The following ARPP21 variants were observed in gnomAD, a reference collection of about 807,000 sequenced individuals.
The protein encoded by ARPP21 is cAMP-regulated phosphoprotein 21.
In ARPP21, 69 loss-of-function variants were observed where a neutral mutation model predicts 113.2. The observed-to-expected ratio is 0.61, with a 90% confidence interval of 0.50 to 0.74. ARPP21 has a LOEUF of 0.74. Among genes scored for constraint, ARPP21 ranks in the 30% least tolerant of loss-of-function variants. The pLI, the probability that ARPP21 is intolerant of heterozygous loss-of-function variation, is 0.00. For missense variants in ARPP21, 1,070 were observed against 1,037.4 expected, an observed-to-expected ratio of 1.03 and a Z score of -0.43; for synonymous variants, 368 against 375.5, an observed-to-expected ratio of 0.98 and a Z score of 0.23.
intron 9 of ARPP21, among the ~76,000 whole-genome samples, chr3:35,697,639 A>G (rs764264271): frequency 1.6e-4 from 24 of 151,656 alleles, no homozygotes; most frequent in Non-Finnish European, 3.0e-4. Context: ...CCACTTTCTC[A>G]GTGGGTAGAC....
In ARPP21 at chr3:35,675,325, A is replaced by G. The variant is rs35736533; in HGVS notation, c.-212-4462A>G. 3.7e-3 allele frequency among the ~76,000 whole-genome samples: 556 copies of G among 151,950 alleles called. 3 individuals are homozygous for G. Among genetic ancestry groups the G allele is most frequent in the Non-Finnish European group, 5.3e-3 (358 of 67,890 alleles). ...TCTTTGGACTGGTCTCAATGGTCAC[A>G]CACTCAAACTGAAACTAACCTTGAT... On this transcript the variant is annotated intron_variant, in intron 1 of 20. Transcript: ENST00000684406.
chr3:35,741,713 G>A (rs549148405), intron 18 of ARPP21, among the ~76,000 whole-genome samples: 7 of 152,124 alleles, frequency 4.6e-5, no homozygotes, highest in Admixed American at 2.6e-4. Context: ...AACATGATTG[G>A]CTGAAAATAT....
chr3:35,721,802 G>T lies in ARPP21; in HGVS notation c.1193G>T (p.Ser398Ile). 4 of 1,611,466 alleles carry T rather than the reference G, an allele frequency of 2.5e-6. No homozygotes were observed. The highest frequency in any genetic ancestry group is 3.4e-6 in the Non-Finnish European group (4 of 1,178,678). ...TVLTRGDSTSSTRSTGKLSKA... is the reference protein window; with the variant it reads ...TVLTRGDSTSITRSTGKLSKA... Reference sequence around the variant, plus strand: ...CTGACCAGGGGTGACAGCACTTCCAGTACTAGGAGTACCGGGAAGCTGTCC... The same window carrying T: ...CTGACCAGGGGTGACAGCACTTCCATTACTAGGAGTACCGGGAAGCTGTCC... The change falls in exon 14 of 21, where the codon AGT (serine) becomes ATT (isoleucine). Residue 398 changes from serine (S) to isoleucine (I), a missense_variant. Physicochemically the swap from Ser to Ile is moderately radical, Grantham distance 142 (BLOSUM62 -2). Transcript: ENST00000684406.
intron 10 of ARPP21, among the ~76,000 whole-genome samples, chr3:35,708,130 AT>A (rs1266931243): frequency 2.6e-5 from 4 of 152,018 alleles, no homozygotes; most frequent in Non-Finnish European, 5.9e-5. Flanking sequence ...AAGCTACACC[AT>A]GGCTCCTGTT....
chr3:35,738,169 C>T (rs766391252), intron 16 of ARPP21, 45 bp from the exon 17 acceptor site: 14 of 1,259,384 alleles, frequency 1.1e-5, no homozygotes, highest in Non-Finnish European at 1.5e-5. Context: ...GAGATTTCAA[C>T]CCCAGTGCTT....
chr3:35,717,444 A>G lies in ARPP21; in HGVS notation c.995+87A>G, dbSNP rs747918814. 40 of 821,308 alleles carry G rather than the reference A, an allele frequency of 4.9e-5. No homozygotes were observed. Among genetic ancestry groups the G allele is most frequent in the Non-Finnish European group, 8.1e-5 (39 of 483,738 alleles). The allele number at this position is 821,308 out of a possible 1,614,324, so 50.9% of individuals were successfully genotyped here. A position where few individuals can be genotyped will look rare whatever the true frequency, so the allele number is the denominator to read the frequency against. On this transcript the variant is annotated intron_variant, in intron 13 of 20. Coordinates refer to ENST00000684406, the MANE Select transcript of ARPP21 (RefSeq NM_001385562.1). ...AAATATTAGTGTACTCGTGTAAAAT[A>G]TATCTGTTCATTTAAAAAAGTCTGG... is the stretch of plus-strand genomic sequence containing the variant.
At position 35,690,880 on chromosome 3, in the gene ARPP21, G is replaced by C; in HGVS notation, c.561G>C (p.Lys187Asn). 2 of 1,605,798 alleles carry C rather than the reference G, an allele frequency of 1.2e-6. No homozygotes were observed. The highest frequency in any genetic ancestry group is 1.7e-6 in the Non-Finnish European group (2 of 1,176,414). ...TATGTTCTAGTAATCATTATAAAAAGTTCCCTCAGATGTCATCGTATCAGA... is the reference window on the plus strand; with the variant it reads ...TATGTTCTAGTAATCATTATAAAAACTTCCCTCAGATGTCATCGTATCAGA... ...FIADNNNHYKKFPQMSSYQRM... is the reference protein window; with the variant it reads ...FIADNNNHYKNFPQMSSYQRM... The change falls in exon 9 of 21, where the codon AAG (lysine) becomes AAC (asparagine). Residue 187 changes from lysine (K) to asparagine (N), a missense_variant. Transcript: ENST00000684406.
In ARPP21 at chr3:35,729,334, A is replaced by G; in HGVS notation, c.1257A>G (p.Ser419=). The change falls in exon 15 of 21, where the codon TCA becomes TCG. Residue 419 remains serine (S), a synonymous_variant. Transcript: ENST00000684406. ...AGTCTTCCAGCAGTGCAGGCTCCTCAGGATCGCTGTCCCGCACCCATCCAC... is the reference window on the plus strand; with the variant it reads ...AGTCTTCCAGCAGTGCAGGCTCCTCGGGATCGCTGTCCCGCACCCATCCAC... ...GSESSSSAGS[S]GSLSRTHPPL... The G allele has an allele frequency of 6.2e-7, 1 of 1,614,092 alleles. No homozygotes were observed. The highest frequency in any genetic ancestry group is 8.5e-7 in the Non-Finnish European group (1 of 1,179,988).
chr3:35,690,920 C>T lies in ARPP21; in HGVS notation c.601C>T (p.Arg201Ter), dbSNP rs760628136. 2 of 1,610,658 alleles carry T rather than the reference C, an allele frequency of 1.2e-6. No individual in the cohort carries two copies. Among genetic ancestry groups the T allele is most frequent in the South Asian group, 1.1e-5 (1 of 90,892 alleles). ...MSSYQRMLVH[R>*]VAAYFGLDHN... ...ATCGTATCAGAGGATGCTTGTCCAT[C>T]GAGTGGCAGCTTATTTTGGATTGGA... The change falls in exon 9 of 21, where the codon CGA (arginine) becomes TGA (stop). Residue 201 changes from arginine (R) to a stop codon, truncating the protein, a stop_gained. Transcript: ENST00000684406. LOFTEE classifies it high-confidence loss of function.
rs1228802895 is a variant in ARPP21 at position 35,792,517 on chromosome 3, T to C, written c.2273T>C (p.Met758Thr). Residue 758 changes from methionine (M) to threonine (T), a missense_variant, in exon 20 of 21, where the codon ATG becomes ACG. Met to Thr is a moderately conservative substitution (Grantham distance 81, BLOSUM62 -1). Coordinates refer to ENST00000684406, the MANE Select transcript of ARPP21 (RefSeq NM_001385562.1). ...AGCGTGATGGTTTCCTACCCAACAA[T>C]GTCTTCTTATCAGGTGCTCATAAGC... is the stretch of plus-strand genomic sequence containing the variant. The part of the protein sequence containing the change: ...VQSVMVSYPT[M>T]SSYQVPMTQG... 6.2e-7 allele frequency: 1 copy of C among 1,614,058 alleles called. No individual in the cohort carries two copies. The highest frequency in any genetic ancestry group is 8.5e-7 in the Non-Finnish European group (1 of 1,179,938).
intron 19 of ARPP21, among the ~76,000 whole-genome samples, chr3:35,752,121 T>C (rs931750335): frequency 6.6e-6 from 1 of 152,024 alleles, no homozygotes; most frequent in Non-Finnish European, 1.5e-5. Flanking sequence ...ATAAATCAGG[T>C]TGCAATGAAC....
chr3:35,678,724 C>G (rs2078127960), intron 1 of ARPP21: 1 of 151,872 alleles, frequency 6.6e-6, no homozygotes, highest in African/African-American at 2.4e-5. Context: ...ACAGTAAAAT[C>G]CTGTAAGGAA....
At chr3:35,784,906 T>C (rs2096598581) in intron 19 of ARPP21, 1 of 152,134 alleles carries the variant, frequency 6.6e-6, no homozygotes, top group African/African-American at 2.4e-5. Flanking sequence ...CCATAGTACT[T>C]ATTTCAAGAT....
chr3:35,768,160 G>T, intron 19 of ARPP21, among the ~76,000 whole-genome samples: 1 of 147,318 alleles, frequency 6.8e-6, no homozygotes, highest in South Asian at 2.2e-4. Flanking sequence ...AATGAAGGAT[G>T]GAGAGGATAG....
At chr3:35,744,932 T>C (rs1238261330) in intron 19 of ARPP21, among the ~76,000 whole-genome samples, 1 of 152,212 alleles carries the variant, frequency 6.6e-6, no homozygotes, top group Non-Finnish European at 1.5e-5. Context: ...ATCCTAAGAA[T>C]ACCAATGCTG....
intron 11 of ARPP21, among the ~76,000 whole-genome samples, chr3:35,710,829 G>A (rs1330858532): frequency 6.6e-6 from 1 of 152,110 alleles, no homozygotes; most frequent in Non-Finnish European, 1.5e-5. Flanking sequence ...GAGGTCACTG[G>A]GAGACAGGGT....
In ARPP21 at chr3:35,739,380, C is replaced by T. The variant is rs2094531756; in HGVS notation, c.1813C>T (p.Pro605Ser). Residue 605 changes from proline to serine, a missense_variant, in exon 18 of 21, where the codon CCT becomes TCT. Coordinates refer to ENST00000684406, the MANE Select transcript of ARPP21 (RefSeq NM_001385562.1). ...GAGCCGGCAGTCCTCGGGGGAGACT[C>T]CTGAACCCCCATCAGGTCCTGTCTA... ...TLSRQSSGETPEPPSGPVYPS... is the reference protein window; with the variant it reads ...TLSRQSSGETSEPPSGPVYPS... 1.2e-6 allele frequency: 2 copies of T among 1,614,008 alleles called. No individual in the cohort carries two copies. The highest frequency in any genetic ancestry group is 1.7e-6 in the Non-Finnish European group (2 of 1,180,024).
intron 1 of ARPP21, among the ~76,000 whole-genome samples, chr3:35,668,002 GAAGA>G (rs2075201928): frequency 6.7e-6 from 1 of 150,058 alleles, no homozygotes; most frequent in Non-Finnish European, 1.5e-5. Flanking sequence ...AGAAGAAGAA[GAAGA>G]AGAAGAAGAA....
chr3:35,731,255 A>T (rs987327558), intron 15 of ARPP21, among the ~76,000 whole-genome samples: 1 of 152,170 alleles, frequency 6.6e-6, no homozygotes. Context: ...GTATGTGTAT[A>T]TTATCATCTA....
Sources: gnomAD v4.1 joint callset for allele counts (sites outside exome capture counted in the v4.1 genomes callset) on GRCh38, gnomAD v4.1.1 for gene constraint, MANE v1.5 for transcripts, NCBI Gene and HGNC (gene_info 2026-07-23, HGNC 2026-07-21) for gene names.